The following KATNAL2 variants were observed in gnomAD, a reference collection of about 807,000 sequenced individuals.
The protein encoded by KATNAL2 is katanin p60 ATPase-containing subunit A-like 2.
A neutral mutation model predicts 76.3 loss-of-function variants in KATNAL2; 52 were observed. The ratio of observed to expected loss-of-function variants is 0.68; its 90% CI spans 0.55 to 0.86. KATNAL2 has a LOEUF of 0.86. KATNAL2 is among the 40% of genes least tolerant of loss of function. The pLI, the probability that KATNAL2 is intolerant of heterozygous loss-of-function variation, is 0.00. For synonymous variants in KATNAL2, 243 were observed against 244.2 expected, an observed-to-expected ratio of 1.00 and a Z score of 0.05; for missense variants, 660 against 668.9, an observed-to-expected ratio of 0.99 and a Z score of 0.15.
chr18:47,043,214 G>C (rs1306082489), intron 3 of KATNAL2, among the ~76,000 whole-genome samples: 2 of 45,038 alleles, frequency 4.4e-5, no homozygotes, highest in Non-Finnish European at 8.9e-5. Context: ...GCGACAGAGC[G>C]AGACTCCGTT....
chr18:47,068,223 A>G (rs1392538349), intron 11 of KATNAL2, among the ~76,000 whole-genome samples: 1 of 152,124 alleles, frequency 6.6e-6, no homozygotes, highest in Non-Finnish European at 1.5e-5. Flanking sequence ...ATTTGTGACC[A>G]TTTTCTGTAA....
At chr18:47,095,110 A>G (rs562289632) in intron 15 of KATNAL2, among the ~76,000 whole-genome samples, 6 of 152,232 alleles carry the variant, frequency 3.9e-5, no homozygotes, top group African/African-American at 1.4e-4. Flanking sequence ...TATGCTTCCC[A>G]GCTTTCAAAT....
At chr18:46,952,476 T>A (rs1345918587) in intron 3 of KATNAL2, among the ~76,000 whole-genome samples, 2 of 139,250 alleles carry the variant, frequency 1.4e-5, no homozygotes, top group Non-Finnish European at 3.0e-5. Context: ...GTCAGCTCAC[T>A]GCAACCTCCG....
rs796209490 is a variant in KATNAL2, at chr18:47,056,993, G to GA, written c.333-1232dup. Among the ~76,000 whole-genome samples, 931 of 148,222 alleles carry GA rather than the reference G, an allele frequency of 6.3e-3. 15 individuals carry two copies. The highest frequency in any genetic ancestry group is 0.021 in the African/African-American group (847 of 40,598). ...CATTCTTATTCCTAGTTTAAAGATA[G>GA]AAAAAAAAAACCCCAAGAACTGTTA... On this transcript the variant is annotated intron_variant, in intron 6 of 17. Transcript: ENST00000683218.
intron 1 of KATNAL2, among the ~76,000 whole-genome samples, chr18:46,937,770 A>G (rs181984077): frequency 1.3e-5 from 2 of 152,366 alleles, no homozygotes; most frequent in Admixed American, 6.5e-5. Context: ...GAACCTGTCC[A>G]TCAACATGAT....
chr18:47,033,736 G>T (rs748191169), intron 3 of KATNAL2: 3 of 1,614,214 alleles, frequency 1.9e-6, no homozygotes, highest in Non-Finnish European at 2.5e-6. Context: ...CGGCATCTTA[G>T]CATTCACTCT....
At chr18:46,955,504 G>T (rs1310661069) in intron 3 of KATNAL2, among the ~76,000 whole-genome samples, 1 of 151,556 alleles carries the variant, frequency 6.6e-6, no homozygotes, top group Non-Finnish European at 1.5e-5. Flanking sequence ...AATTACAGGC[G>T]TTCTACCGCG....
chr18:47,091,162 T>C (rs2062984153), intron 15 of KATNAL2: 1 of 152,240 alleles, frequency 6.6e-6, no homozygotes, highest in African/African-American at 2.4e-5. Flanking sequence ...GACGAGGGAC[T>C]TAGGAAGGTA....
intron 1 of KATNAL2, among the ~76,000 whole-genome samples, chr18:46,934,950 A>G (rs1573369): frequency 0.15 from 22,181 of 152,214 alleles, 2,047 homozygotes; most frequent in Non-Finnish European, 0.21. Context: ...TCAAGATCAG[A>G]TAGTTGTAGA....
At chr18:46,921,062 A>G (rs912330247) in intron 1 of KATNAL2, among the ~76,000 whole-genome samples, 2 of 152,202 alleles carry the variant, frequency 1.3e-5, no homozygotes, top group Non-Finnish European at 2.9e-5. Flanking sequence ...ATGGCTCCAA[A>G]TTAGAAGATT....
Position 46,927,280 on chromosome 18 carries a change from G to A in KATNAL2, c.-510+9354G>A, listed in dbSNP as rs183090083. Reference sequence around the variant, plus strand: ...CAGGAGCTCTTTTAGGGCAGGCCTCGTGGTGACAAAATCTCTCAGCATCTG... The same window carrying A: ...CAGGAGCTCTTTTAGGGCAGGCCTCATGGTGACAAAATCTCTCAGCATCTG... On this transcript the variant is annotated intron_variant, in intron 1 of 17. Coordinates refer to ENST00000683218, the MANE Select transcript of KATNAL2 (RefSeq NM_001387690.1). 8.0e-4 allele frequency among the ~76,000 whole-genome samples: 122 copies of A among 152,112 alleles called. 1 individual carries two copies. Among genetic ancestry groups the A allele is most frequent in the African/African-American group, 2.4e-3 (100 of 41,484 alleles).
At chr18:46,952,051 G>T (rs1212988432) in intron 3 of KATNAL2, among the ~76,000 whole-genome samples, 1 of 152,120 alleles carries the variant, frequency 6.6e-6, no homozygotes, top group Non-Finnish European at 1.5e-5. Context: ...GGGATTACAG[G>T]CATGAGCCAC....
At chr18:47,032,558 C>G (rs1358060280) in intron 3 of KATNAL2, 2 of 210,690 alleles carry the variant, frequency 9.5e-6, no homozygotes, top group Non-Finnish European at 1.9e-5. Flanking sequence ...TTTATTAAAA[C>G]AACAACAACG....
At chr18:47,093,132 C>A (rs1314553835) in intron 15 of KATNAL2, among the ~76,000 whole-genome samples, 2 of 152,228 alleles carry the variant, frequency 1.3e-5, no homozygotes, top group East Asian at 3.9e-4. Flanking sequence ...AATTTCACCA[C>A]GATGTGACTT....
chr18:47,080,293 T>C (rs2062446085), intron 15 of KATNAL2, among the ~76,000 whole-genome samples: 1 of 152,108 alleles, frequency 6.6e-6, no homozygotes, highest in Admixed American at 6.6e-5. Context: ...TAGTTTCATT[T>C]TTTCCCCCTA....
At chr18:47,054,346 G>A (rs1235770879) in intron 5 of KATNAL2, 50 bp from the exon 6 acceptor site, 23 of 1,517,986 alleles carry the variant, frequency 1.5e-5, no homozygotes, top group Non-Finnish European at 2.1e-5. Flanking sequence ...AAATCACTTT[G>A]TCACTCTTAA....
At chr18:46,942,860 TG>T (rs1392369157) in intron 1 of KATNAL2, among the ~76,000 whole-genome samples, 4 of 152,118 alleles carry the variant, frequency 2.6e-5, no homozygotes, top group Admixed American at 2.0e-4. Context: ...CAATTTTGGT[TG>T]GATGTTGGAT....
chr18:46,946,288 A>G lies in KATNAL2; in HGVS notation c.-278A>G. The G allele has an allele frequency of 9.4e-7, 1 of 1,064,488 alleles. No homozygotes were observed. Among genetic ancestry groups the G allele is most frequent in the Non-Finnish European group, 1.1e-6 (1 of 874,468 alleles). 65.9% of individuals were successfully genotyped at this position (1,064,488 alleles called of 1,614,324 possible). A position where few individuals can be genotyped will look rare whatever the true frequency, so the allele number is the denominator to read the frequency against. Reference sequence around the variant, plus strand: ...CTAATGAGAACAGGTCTGATGTGAAAGGAATTGGAGGAGAAGGGGAAGTTT... The same window carrying G: ...CTAATGAGAACAGGTCTGATGTGAAGGGAATTGGAGGAGAAGGGGAAGTTT... On this transcript the variant is annotated 5_prime_UTR_variant, in exon 2 of 18. Coordinates refer to ENST00000683218, the MANE Select transcript of KATNAL2 (RefSeq NM_001387690.1).
In KATNAL2 at chr18:47,059,627, T is replaced by C. The variant is rs763444850; in HGVS notation, c.522T>C (p.Ser174=). ...ATATATCAAGAATCCGTAAAGACAG[T>C]GGAGAGGAAAATGCCCACCCACGAA... is the stretch of plus-strand genomic sequence containing the variant. ...GLHISRIRKD[S]GEENAHPRRG... Residue 174 remains serine, a synonymous_variant, in exon 8 of 18, where the codon AGT becomes AGC. Coordinates refer to ENST00000683218, the MANE Select transcript of KATNAL2 (RefSeq NM_001387690.1). The C allele has an allele frequency of 1.9e-6, 3 of 1,613,330 alleles. No homozygotes were observed. The highest frequency in any genetic ancestry group is 1.3e-5 in the African/African-American group (1 of 74,896).
Sources: gnomAD v4.1 joint callset for allele counts (sites outside exome capture counted in the v4.1 genomes callset) on GRCh38, gnomAD v4.1.1 for gene constraint, MANE v1.5 for transcripts, NCBI Gene and HGNC (gene_info 2026-07-23, HGNC 2026-07-21) for gene names.